The following KLHL4 variants were observed in gnomAD, a reference collection of about 807,000 sequenced individuals.
KLHL4 encodes the protein kelch-like protein 4.
KLHL4 carries 17 observed loss-of-function variants against 45.8 expected under a neutral mutation model. The ratio of observed to expected loss-of-function variants is 0.37; its 90% confidence interval spans 0.25 to 0.56. KLHL4 has a LOEUF of 0.56. KLHL4 is among the 20% of genes least tolerant of loss of function. KLHL4 has a pLI of 0.79. For synonymous variants in KLHL4, 224 were observed against 189.9 expected, an observed-to-expected ratio of 1.18 and a Z score of -1.47; for missense variants, 544 against 544.9, an observed-to-expected ratio of 1.00 and a Z score of 0.02.
chrX:87,523,720 T>C (rs1931049297), intron 1 of KLHL4, among the ~76,000 whole-genome samples: 1 of 111,613 alleles, frequency 9.0e-6, no homozygotes, highest in Admixed American at 9.5e-5. Context: ...CCCAGCACTT[T>C]GGGAGGCCGA....
At chrX:87,580,330 A>G (rs1050003443) in intron 1 of KLHL4, among the ~76,000 whole-genome samples, 15 of 110,347 alleles carry the variant, frequency 1.4e-4, no homozygotes, top group Non-Finnish European at 5.7e-5. Context: ...CAAGACAGAA[A>G]AAAAAAAACC....
intron 1 of KLHL4, among the ~76,000 whole-genome samples, chrX:87,570,598 A>C (rs1169235535): frequency 9.0e-6 from 1 of 110,955 alleles, no homozygotes; most frequent in East Asian, 2.8e-4. Context: ...TAACCCAGGT[A>C]TAGCTAGAGA....
intron 1 of KLHL4, among the ~76,000 whole-genome samples, chrX:87,608,965 A>T (rs891159680): frequency 2.7e-4 from 30 of 109,663 alleles, no homozygotes; most frequent in African/African-American, 9.0e-4. Flanking sequence ...TCCTGTGTCC[A>T]TGTGTTCTCA....
At chrX:87,526,573 T>C (rs1261699812) in intron 1 of KLHL4, among the ~76,000 whole-genome samples, 1 of 111,893 alleles carries the variant, frequency 8.9e-6, no homozygotes, top group Admixed American at 9.6e-5. Flanking sequence ...GAATGTTTCA[T>C]GGAGGTGACA....
intron 10 of KLHL4, 38 bp from the exon 11 acceptor site, chrX:87,666,437 A>G (rs368461729): frequency 4.4e-6 from 5 of 1,131,565 alleles, no homozygotes; most frequent in Non-Finnish European, 6.0e-6. Flanking sequence ...CTGAAATCAG[A>G]GTTCCAACAG....
chrX:87,525,629 C>T (rs1189942499), intron 1 of KLHL4, among the ~76,000 whole-genome samples: 2 of 111,508 alleles, frequency 1.8e-5, no homozygotes, highest in Non-Finnish European at 3.8e-5. Flanking sequence ...TTTCAGTTAT[C>T]TGATGTTTTA....
intron 9 of KLHL4, among the ~76,000 whole-genome samples, chrX:87,657,531 G>C (rs1383690801): frequency 8.9e-6 from 1 of 112,209 alleles, no homozygotes; most frequent in Non-Finnish European, 1.9e-5. Context: ...CTAAGCAGCT[G>C]GGGTGGTGTG....
chrX:87,653,882 G>GA (rs1236744385), intron 9 of KLHL4, among the ~76,000 whole-genome samples: 1 of 111,526 alleles, frequency 9.0e-6, no homozygotes, highest in African/African-American at 3.3e-5. Context: ...TGCAGGAACA[G>GA]AAAATTAAAC....
intron 6 of KLHL4, among the ~76,000 whole-genome samples, chrX:87,631,384 C>A (rs895713833): frequency 9.0e-6 from 1 of 111,662 alleles, no homozygotes. Flanking sequence ...TGGGGGGCTG[C>A]TTTTGATTAG....
intron 1 of KLHL4, among the ~76,000 whole-genome samples, chrX:87,558,681 GT>G (rs200178471): frequency 0.24 from 26,710 of 110,686 alleles, 2,758 homozygotes; most frequent in East Asian, 0.51. Context: ...GCTATAAATT[GT>G]TTTTTCTATC....
At chrX:87,548,759 A>C (rs1016740579) in intron 1 of KLHL4, among the ~76,000 whole-genome samples, 2 of 109,317 alleles carry the variant, frequency 1.8e-5, no homozygotes, top group Non-Finnish European at 3.8e-5. Flanking sequence ...CAAACCAAAA[A>C]ACATACATGG....
intron 9 of KLHL4, among the ~76,000 whole-genome samples, chrX:87,664,435 C>G (rs908564802): frequency 1.6e-4 from 18 of 111,953 alleles, no homozygotes; most frequent in Middle Eastern, 4.7e-3. Context: ...AAAAGCCCTT[C>G]AATCAGACTA....
intron 10 of KLHL4, among the ~76,000 whole-genome samples, chrX:87,665,812 T>C (rs1924349277): frequency 9.0e-6 from 1 of 111,495 alleles, no homozygotes; most frequent in South Asian, 3.7e-4. Flanking sequence ...GGTGCTAATA[T>C]AATGACAGCT....
rs771210488 is a variant in KLHL4, at chrX:87,632,299, G to T, written c.1414G>T (p.Ala472Ser). ...MNGRRLQFGVAVIDNKLYVVG... is the reference protein window; with the variant it reads ...MNGRRLQFGVSVIDNKLYVVG... ...TGGCCGTAGGCTTCAATTTGGAGTC[G>T]CAGTTATTGATAATAAGCTCTATGT... is the stretch of plus-strand genomic sequence containing the variant. Residue 472 changes from alanine (A) to serine (S), a missense_variant, in exon 7 of 11, where the codon GCA becomes TCA. Transcript: ENST00000373119. The T allele has an allele frequency of 8.3e-7, 1 of 1,207,933 alleles. No individual in the cohort carries two copies. The highest frequency in any genetic ancestry group is 3.0e-5 in the East Asian group (1 of 33,799).
intron 1 of KLHL4, among the ~76,000 whole-genome samples, chrX:87,592,610 A>C (rs917937431): frequency 1.8e-4 from 20 of 111,440 alleles, no homozygotes; most frequent in Non-Finnish European, 1.7e-4. Flanking sequence ...ATGATCAATG[A>C]TTTTGACGTT....
chrX:87,582,295 GA>G (rs34462931), intron 1 of KLHL4, among the ~76,000 whole-genome samples: 27,605 of 110,543 alleles, frequency 0.25, 2,952 homozygotes, highest in East Asian at 0.51. Context: ...CTAAGAGATA[GA>G]AAAAAACAGT....
chrX:87,665,336 G>T (rs996321252), intron 10 of KLHL4, among the ~76,000 whole-genome samples: 1 of 111,613 alleles, frequency 9.0e-6, no homozygotes, highest in Non-Finnish European at 1.9e-5. Context: ...ATCTTCTTCC[G>T]CAAATATCTG....
intron 1 of KLHL4, among the ~76,000 whole-genome samples, chrX:87,592,230 A>T (rs1921694632): frequency 9.0e-6 from 1 of 111,597 alleles, no homozygotes; most frequent in Non-Finnish European, 1.9e-5. Context: ...CATTATGTAT[A>T]AGTACTGCAT....
At chrX:87,649,154 G>C (rs760974504) in intron 9 of KLHL4, among the ~76,000 whole-genome samples, 6 of 110,781 alleles carry the variant, frequency 5.4e-5, no homozygotes, top group Non-Finnish European at 9.5e-5. Context: ...TGCTCAGATT[G>C]AAACTCTGTA....
Sources: gnomAD v4.1 joint callset for allele counts (sites outside exome capture counted in the v4.1 genomes callset) on GRCh38, gnomAD v4.1.1 for gene constraint, MANE v1.5 for transcripts, NCBI Gene and HGNC (gene_info 2026-07-23, HGNC 2026-07-21) for gene names.